The following GDAP1 variants were observed in gnomAD, a reference collection of about 807,000 sequenced individuals.
GDAP1 encodes ganglioside induced differentiation associated protein 1.
A neutral mutation model predicts 40.1 loss-of-function variants in GDAP1; 34 were observed. The ratio of observed to expected loss-of-function variants is 0.85; its 90% CI spans 0.64 to 1.13. The LOEUF (loss-of-function observed/expected upper bound fraction) is 1.13. GDAP1 is among the 50% of genes most tolerant of loss of function. The pLI is 0.00. For missense variants in GDAP1, 374 were observed against 433.7 expected (o/e 0.86, Z 1.22); for synonymous variants, 170 against 157.4 (o/e 1.08, Z -0.60).
At chr8:74,357,619 C>T (rs16938890) in intron 2 of GDAP1, among the ~76,000 whole-genome samples, 28,491 of 152,124 alleles carry the variant, frequency 0.19, 2,937 homozygotes, top group Admixed American at 0.31. Flanking sequence ...AACTTTTCCC[C>T]TACTCAGTTC....
chr8:74,351,791 T>C (rs1181537258), intron 2 of GDAP1, among the ~76,000 whole-genome samples: 1 of 152,218 alleles, frequency 6.6e-6, no homozygotes, highest in Non-Finnish European at 1.5e-5. Flanking sequence ...ATATTCTAAA[T>C]GTGCACTGTG....
Position 74,417,313 on chromosome 8 carries a change from A to C in GDAP1, c.165+65992A>C, listed in dbSNP as rs1233280347. Among the ~76,000 whole-genome samples the C allele has an allele frequency of 1.3e-5, 2 of 150,222 alleles. 1 individual carries two copies. Among genetic ancestry groups the C allele is most frequent in the African/African-American group, 5.1e-5 (2 of 39,500 alleles). On this transcript the variant is annotated intron_variant, in intron 2 of 2. Transcript: ENST00000523640. Reference sequence around the variant, plus strand: ...TATCACAATTGACAGTGAAAGACTGAATGATTTACCCCTCAGATTAGGAAT... The same window carrying C: ...TATCACAATTGACAGTGAAAGACTGCATGATTTACCCCTCAGATTAGGAAT...
chr8:74,364,799 C>T lies in GDAP1; in HGVS notation c.*432C>T, dbSNP rs1200192616. 1 of 456,488 alleles carries T rather than the reference C, an allele frequency of 2.2e-6. No individual in the cohort carries two copies. The highest frequency in any genetic ancestry group is 4.4e-6 in the Non-Finnish European group (1 of 228,544). The allele number at this position is 456,488 out of a possible 1,614,324, so 28.3% of individuals were successfully genotyped here. A position where few individuals can be genotyped will look rare whatever the true frequency, so the allele number is the denominator to read the frequency against. Reference sequence around the variant, plus strand: ...CTGGGGATAGTGGGCTGGAGAGAACCCCAGGCTTTATATGTATACTTTGAC... The same window carrying T: ...CTGGGGATAGTGGGCTGGAGAGAACTCCAGGCTTTATATGTATACTTTGAC... On this transcript the variant is annotated 3_prime_UTR_variant, in exon 6 of 6. Transcript: ENST00000220822.
chr8:74,434,833 C>T (rs1806069192), intron 2 of GDAP1, among the ~76,000 whole-genome samples: 1 of 152,018 alleles, frequency 6.6e-6, no homozygotes, highest in Non-Finnish European at 1.5e-5. Context: ...AGACTTTATA[C>T]AAAAAAAGTG....
At chr8:74,481,972 T>C (rs1163239291) in intron 2 of GDAP1, among the ~76,000 whole-genome samples, 1 of 151,308 alleles carries the variant, frequency 6.6e-6, no homozygotes, top group Non-Finnish European at 1.5e-5. Context: ...AGGGGAGGAG[T>C]CTAAAAGAGA....
At chr8:74,486,230 A>G (rs1268817805) in intron 2 of GDAP1, among the ~76,000 whole-genome samples, 2 of 152,184 alleles carry the variant, frequency 1.3e-5, no homozygotes, top group African/African-American at 2.4e-5. Flanking sequence ...TAGAGTTACT[A>G]TTATTCGTTT....
At chr8:74,409,995 C>T (rs1047720875) in intron 2 of GDAP1, among the ~76,000 whole-genome samples, 2 of 150,080 alleles carry the variant, frequency 1.3e-5, no homozygotes, top group East Asian at 3.9e-4. Context: ...GCTTTCTGCA[C>T]AGTGAGCAGC....
chr8:74,457,983 C>T (rs764816680), intron 2 of GDAP1, among the ~76,000 whole-genome samples: 2 of 152,084 alleles, frequency 1.3e-5, no homozygotes, highest in South Asian at 2.1e-4. Flanking sequence ...ATAATTCTTT[C>T]TTCAAATGAT....
At chr8:74,430,493 T>C (rs1806011553) in intron 2 of GDAP1, among the ~76,000 whole-genome samples, 1 of 152,168 alleles carries the variant, frequency 6.6e-6, no homozygotes. Flanking sequence ...TATTGCCCAC[T>C]GGAATAAAGC....
chr8:74,466,303 A>G (rs1806468927), intron 2 of GDAP1, among the ~76,000 whole-genome samples: 5 of 152,230 alleles, frequency 3.3e-5, no homozygotes, highest in Admixed American at 3.3e-4. Context: ...CTTGGAACAC[A>G]GTTTGGGAAC....
intron 2 of GDAP1, among the ~76,000 whole-genome samples, chr8:74,446,274 G>T (rs1181985366): frequency 6.6e-6 from 1 of 152,060 alleles, no homozygotes; most frequent in Non-Finnish European, 1.5e-5. Context: ...AATTTCTGAG[G>T]GCGGTGGGAC....
intron 2 of GDAP1, among the ~76,000 whole-genome samples, chr8:74,462,172 T>C (rs777163473): frequency 6.6e-6 from 1 of 152,248 alleles, no homozygotes; most frequent in African/African-American, 2.4e-5. Flanking sequence ...ATTTTAACTA[T>C]ATATAGTGAC....
intron 2 of GDAP1, among the ~76,000 whole-genome samples, chr8:74,479,340 AATT>A (rs1368986319): frequency 3.3e-5 from 5 of 152,096 alleles, no homozygotes; most frequent in African/African-American, 1.2e-4. Flanking sequence ...TCTACTTTAT[AATT>A]ATATTATTTA....
chr8:74,393,167 AC>A (rs1405500477), intron 2 of GDAP1, among the ~76,000 whole-genome samples: 5 of 152,216 alleles, frequency 3.3e-5, no homozygotes, highest in African/African-American at 4.8e-5. Flanking sequence ...TATAGCACAT[AC>A]TTTTCATTTT....
chr8:74,403,136 A>T (rs559176206), intron 2 of GDAP1, among the ~76,000 whole-genome samples: 3 of 149,996 alleles, frequency 2.0e-5, no homozygotes, highest in African/African-American at 7.6e-5. Flanking sequence ...GTGATGGGAG[A>T]GTCATTCTCT....
intron 2 of GDAP1, among the ~76,000 whole-genome samples, chr8:74,412,105 C>T (rs1805723087): frequency 6.7e-6 from 1 of 149,768 alleles, no homozygotes; most frequent in Admixed American, 6.6e-5. Context: ...AAGATTCCTA[C>T]AGATGAAGCC....
chr8:74,394,280 A>G (rs7835263), intron 2 of GDAP1, among the ~76,000 whole-genome samples: 22,542 of 152,094 alleles, frequency 0.15, 3,158 homozygotes, highest in African/African-American at 0.37. Context: ...CCATGATTCA[A>G]TTACCTCCCA....
chr8:74,416,662 G>C (rs1805782815), intron 2 of GDAP1, among the ~76,000 whole-genome samples: 1 of 149,998 alleles, frequency 6.7e-6, no homozygotes, highest in African/African-American at 2.5e-5. Flanking sequence ...GCATTGCTGG[G>C]AGACTTGAGG....
chr8:74,401,864 C>A (rs1275116891), intron 2 of GDAP1, among the ~76,000 whole-genome samples: 1 of 150,028 alleles, frequency 6.7e-6, no homozygotes, highest in South Asian at 2.1e-4. Flanking sequence ...GTCTGCAGAA[C>A]AGCGGATTTT....
Sources: allele counts gnomAD v4.1 joint callset (sites outside exome capture counted in the v4.1 genomes callset), GRCh38; gene constraint gnomAD v4.1.1; transcripts MANE v1.5; gene names NCBI Gene and HGNC (gene_info 2026-07-23, HGNC 2026-07-21).